Variants in MCTP1 observed in about 807,000 individuals in gnomAD.
The protein encoded by MCTP1 is multiple C2 and transmembrane domain-containing protein 1.
Under a neutral mutation model 120.6 loss-of-function variants are expected in MCTP1, and 69 were observed. The observed-to-expected ratio is 0.57, with a 90% CI of 0.47 to 0.70. The LOEUF is 0.70. Among genes scored for constraint, MCTP1 ranks in the 30% least tolerant of loss-of-function variants. The pLI, the probability that MCTP1 is intolerant of heterozygous loss-of-function variation, is 0.00. For synonymous variants in MCTP1, 529 were observed against 493.1 expected (o/e 1.07, Z -0.96); for missense variants, 1,203 against 1,248.8 (o/e 0.96, Z 0.55).
intron 17 of MCTP1, among the ~76,000 whole-genome samples, chr5:94,807,253 C>T (rs916594558): frequency 6.6e-6 from 1 of 152,096 alleles, no homozygotes; most frequent in Non-Finnish European, 1.5e-5. Flanking sequence ...ATAACAAATA[C>T]ACAGGATATG....
At chr5:94,798,695 T>A (rs552808275) in intron 18 of MCTP1, among the ~76,000 whole-genome samples, 129 of 152,268 alleles carry the variant, frequency 8.5e-4, no homozygotes, top group African/African-American at 3.0e-3. Context: ...AAATCAGGAT[T>A]CATTAAGATA....
At position 95,059,400 on chromosome 5, in the gene MCTP1, C is replaced by T. The variant is rs186790849; in HGVS notation, c.721-41916G>A. Among the ~76,000 whole-genome samples, 57 of 152,022 alleles carry T rather than the reference C, an allele frequency of 3.7e-4. No individual in the cohort carries two copies. The East Asian group carries it at 6.6e-3, about 18-fold the overall frequency. ...ATAAAGATCGTAGCAGCAATAGAAA[C>T]GGGACTACTAGAGTGGGGAGAGAGG... On this transcript the variant is annotated intron_variant, in intron 1 of 22. Transcript: ENST00000515393.
At chr5:95,084,536 GTTT>G (rs79057275) in intron 1 of MCTP1, among the ~76,000 whole-genome samples, 1 of 136,140 alleles carries the variant, frequency 7.3e-6, no homozygotes. Context: ...GTCTTTGGGT[GTTT>G]TTTTTTTTTT....
chr5:95,053,126 T>C (rs1413303207), intron 1 of MCTP1, among the ~76,000 whole-genome samples: 2 of 152,134 alleles, frequency 1.3e-5, no homozygotes, highest in Admixed American at 1.3e-4. Flanking sequence ...TACATGAAAA[T>C]CAAGGAAATA....
intron 1 of MCTP1, among the ~76,000 whole-genome samples, chr5:95,262,572 G>T (rs902323705): frequency 1.1e-4 from 16 of 152,132 alleles, no homozygotes; most frequent in African/African-American, 3.9e-4. Flanking sequence ...GTGCTTAGAA[G>T]ATTAGAAATC....
intron 1 of MCTP1, among the ~76,000 whole-genome samples, chr5:95,255,689 T>C (rs1242147153): frequency 6.6e-6 from 1 of 152,156 alleles, no homozygotes; most frequent in African/African-American, 2.4e-5. Context: ...GATTCATATT[T>C]CTTATTTTAA....
chr5:95,162,627 G>A (rs536483344), intron 1 of MCTP1, among the ~76,000 whole-genome samples: 1 of 152,124 alleles, frequency 6.6e-6, no homozygotes, highest in East Asian at 1.9e-4. Context: ...AATACCAACA[G>A]AATGCCATGA....
intron 1 of MCTP1, among the ~76,000 whole-genome samples, chr5:95,201,441 G>C (rs907724275): frequency 9.1e-5 from 13 of 142,542 alleles, no homozygotes; most frequent in Non-Finnish European, 1.5e-4. Context: ...AGTACAAAAG[G>C]GATAAAATGT....
At chr5:94,851,460 T>C (rs1369301132) in intron 17 of MCTP1, among the ~76,000 whole-genome samples, 1 of 152,018 alleles carries the variant, frequency 6.6e-6, no homozygotes, top group Non-Finnish European at 1.5e-5. Context: ...AAGGCATGCA[T>C]AAAGGAAAGT....
At chr5:95,171,077 A>C (rs866836114) in intron 1 of MCTP1, among the ~76,000 whole-genome samples, 2 of 151,808 alleles carry the variant, frequency 1.3e-5, no homozygotes, top group East Asian at 3.9e-4. Context: ...TTTAGTGCTT[A>C]TTTCAGGAGC....
chr5:94,841,118 G>A (rs994834175), intron 17 of MCTP1, among the ~76,000 whole-genome samples: 1 of 152,176 alleles, frequency 6.6e-6, no homozygotes, highest in Non-Finnish European at 1.5e-5. Context: ...GCTTAAAGGT[G>A]ACGAGTAGGT....
intron 19 of MCTP1, among the ~76,000 whole-genome samples, chr5:94,761,259 G>A: frequency 6.6e-6 from 1 of 152,188 alleles, no homozygotes; most frequent in East Asian, 1.9e-4. Context: ...GGCAATGGAT[G>A]TCCATTACAA....
At chr5:94,818,514 C>T (rs1784942357) in intron 17 of MCTP1, among the ~76,000 whole-genome samples, 1 of 152,076 alleles carries the variant, frequency 6.6e-6, no homozygotes, top group South Asian at 2.1e-4. Flanking sequence ...CATCAACAGG[C>T]CATATGGAGT....
At chr5:95,281,377 C>G (rs759480774) in intron 1 of MCTP1, among the ~76,000 whole-genome samples, 6 of 152,184 alleles carry the variant, frequency 3.9e-5, no homozygotes, top group Non-Finnish European at 8.8e-5. Context: ...GTGAGCCGGG[C>G]TCCTTTGAGA....
intron 1 of MCTP1, among the ~76,000 whole-genome samples, chr5:95,099,511 C>T (rs1344119023): frequency 1.3e-5 from 2 of 151,976 alleles, no homozygotes; most frequent in Admixed American, 6.6e-5. Context: ...AGCCAAAAAA[C>T]ACATGAAAAA....
In MCTP1 at chr5:95,098,043, G is replaced by T. The variant is rs1341696852; in HGVS notation, c.721-80559C>A. Among the ~76,000 whole-genome samples, 7 of 152,134 alleles carry T rather than the reference G, an allele frequency of 4.6e-5. No homozygotes were observed. In the East Asian group the frequency reaches 1.3e-3, roughly 29 times the overall value. On this transcript the variant is annotated intron_variant, in intron 1 of 22. Coordinates refer to ENST00000515393, the MANE Select transcript of MCTP1 (RefSeq NM_024717.7). ...CATATTTTTCTCTATTCAACTCAAT[G>T]ATTTCTGATCTTTCAACGTGTTTTT... is the stretch of plus-strand genomic sequence containing the variant.
At chr5:95,173,191 CTT>C (rs1315338709) in intron 1 of MCTP1, among the ~76,000 whole-genome samples, 1 of 152,126 alleles carries the variant, frequency 6.6e-6, no homozygotes, top group Admixed American at 6.5e-5. Context: ...TTGACTGACT[CTT>C]AGAGCCCATG....
intron 12 of MCTP1, among the ~76,000 whole-genome samples, chr5:94,881,098 T>C (rs141729921): frequency 4.6e-5 from 7 of 152,254 alleles, no homozygotes; most frequent in Non-Finnish European, 1.0e-4. Flanking sequence ...GAGATGTAGA[T>C]GTGATTTAGG....
intron 2 of MCTP1, among the ~76,000 whole-genome samples, chr5:94,981,554 C>A (rs1000879356): frequency 6.6e-6 from 1 of 152,114 alleles, no homozygotes; most frequent in Non-Finnish European, 1.5e-5. Context: ...TCCCTCCATT[C>A]TAGTGGAGGA....
Sources: gnomAD v4.1 joint callset for allele counts (sites outside exome capture counted in the v4.1 genomes callset) on GRCh38, gnomAD v4.1.1 for gene constraint, MANE v1.5 for transcripts, NCBI Gene and HGNC (gene_info 2026-07-23, HGNC 2026-07-21) for gene names.